Variants in HS6ST3 observed in about 807,000 individuals in gnomAD.
The protein encoded by HS6ST3 is heparan-sulfate 6-O-sulfotransferase 3.
Under a neutral mutation model 36.7 loss-of-function variants are expected in HS6ST3, and 12 were observed. The ratio of observed to expected loss-of-function variants is 0.33; its 90% confidence interval spans 0.21 to 0.53. The LOEUF is 0.53. Ranked by LOEUF, HS6ST3 falls within the 20% of genes least tolerant of loss-of-function variation. The pLI is 0.95. For synonymous variants in HS6ST3, 240 were observed against 257.5 expected (o/e 0.93, Z 0.65); for missense variants, 584 against 640.9 (o/e 0.91, Z 0.96).
intron 1 of HS6ST3, among the ~76,000 whole-genome samples, chr13:96,163,222 A>ATTTT (rs147731415): frequency 3.4e-4 from 27 of 79,064 alleles, no homozygotes; most frequent in Admixed American, 5.0e-4. Flanking sequence ...TCTGAGATAC[A>ATTTT]TTTTTTTTTT....
chr13:96,786,378 C>T (rs1483129122), intron 1 of HS6ST3, among the ~76,000 whole-genome samples: 1 of 152,146 alleles, frequency 6.6e-6, no homozygotes, highest in Non-Finnish European at 1.5e-5. Flanking sequence ...CTAGTGCTAT[C>T]TGCTTTGTGT....
At chr13:96,200,457 C>T (rs946918702) in intron 1 of HS6ST3, among the ~76,000 whole-genome samples, 22 of 152,124 alleles carry the variant, frequency 1.4e-4, no homozygotes, top group Non-Finnish European at 2.8e-4. Flanking sequence ...GGTTAATTCC[C>T]TTAAGTCCTC....
chr13:96,412,197 GT>G (rs1339354978), intron 1 of HS6ST3, among the ~76,000 whole-genome samples: 1 of 152,022 alleles, frequency 6.6e-6, no homozygotes, highest in African/African-American at 2.4e-5. Context: ...TAGAGACGGG[GT>G]TTTACCATGT....
chr13:96,711,630 C>T (rs748878799), intron 1 of HS6ST3, among the ~76,000 whole-genome samples: 3 of 152,048 alleles, frequency 2.0e-5, no homozygotes, highest in Non-Finnish European at 4.4e-5. Context: ...ATTTTTTTCT[C>T]CTAGCTTCTA....
At chr13:96,304,711 C>CTTTTTTTT (rs61314597) in intron 1 of HS6ST3, among the ~76,000 whole-genome samples, 2 of 89,336 alleles carry the variant, frequency 2.2e-5, no homozygotes, top group African/African-American at 8.8e-5. Flanking sequence ...TTCTTTCTTT[C>CTTTTTTTT]TTTTTTTTTT....
chr13:96,228,685 C>T (rs999185550), intron 1 of HS6ST3, among the ~76,000 whole-genome samples: 19 of 152,172 alleles, frequency 1.2e-4, no homozygotes, highest in African/African-American at 4.3e-4. Context: ...TTGTTTGCCA[C>T]CCCTTATTTT....
chr13:96,812,297 C>T (rs1878331773), intron 1 of HS6ST3, among the ~76,000 whole-genome samples: 1 of 152,212 alleles, frequency 6.6e-6, no homozygotes, highest in African/African-American at 2.4e-5. Context: ...TTCTTGCGGT[C>T]CAATATTTCC....
At chr13:96,390,325 T>C (rs1333969066) in intron 1 of HS6ST3, among the ~76,000 whole-genome samples, 2 of 152,178 alleles carry the variant, frequency 1.3e-5, no homozygotes, top group African/African-American at 4.8e-5. Context: ...ACTAAATTCA[T>C]ATGTAGAAAT....
intron 1 of HS6ST3, among the ~76,000 whole-genome samples, chr13:96,165,130 A>G (rs2054154403): frequency 6.6e-6 from 1 of 152,230 alleles, no homozygotes; most frequent in Non-Finnish European, 1.5e-5. Context: ...AGTGGCAAAG[A>G]ATATGTAAGG....
intron 1 of HS6ST3, among the ~76,000 whole-genome samples, chr13:96,741,160 A>AT (rs1471370206): frequency 6.6e-6 from 1 of 152,182 alleles, no homozygotes; most frequent in African/African-American, 2.4e-5. Context: ...GCCATTTGAC[A>AT]TTATGTGGCA....
intron 1 of HS6ST3, among the ~76,000 whole-genome samples, chr13:96,334,721 A>T (rs2055091254): frequency 6.6e-6 from 1 of 152,080 alleles, no homozygotes; most frequent in African/African-American, 2.4e-5. Flanking sequence ...CAAAAACAGT[A>T]TGGGGGAAAC....
intron 1 of HS6ST3, among the ~76,000 whole-genome samples, chr13:96,335,909 C>G (rs61966934): frequency 6.6e-6 from 1 of 152,050 alleles, no homozygotes. Context: ...TTTAGAATAT[C>G]GGTGCCTAGG....
intron 1 of HS6ST3, among the ~76,000 whole-genome samples, chr13:96,093,869 G>A (rs1383869926): frequency 6.6e-6 from 1 of 152,126 alleles, no homozygotes; most frequent in African/African-American, 2.4e-5. Flanking sequence ...CTGGATAATG[G>A]AGGGTACCTT....
Position 96,328,801 on chromosome 13 carries a change from C to T in HS6ST3, c.707+237232C>T, listed in dbSNP as rs548542246. ...CTCTGGTAGAATTCGGCTATGAATC[C>T]ATCTGGTCCTGGACTCTTTTTGGTT... On this transcript the variant is annotated intron_variant, in intron 1 of 1. Transcript: ENST00000376705. Among the ~76,000 whole-genome samples the T allele has an allele frequency of 4.8e-3, 737 of 152,248 alleles. 4 individuals are homozygous for T. Among genetic ancestry groups the T allele is most frequent in the Non-Finnish European group, 8.5e-3 (580 of 68,034 alleles).
intron 1 of HS6ST3, among the ~76,000 whole-genome samples, chr13:96,463,396 T>C (rs914081772): frequency 1.3e-5 from 2 of 152,098 alleles, no homozygotes; most frequent in African/African-American, 4.8e-5. Context: ...AAATAATTAA[T>C]CATATGATAA....
chr13:96,470,672 G>T (rs1008072640), intron 1 of HS6ST3, among the ~76,000 whole-genome samples: 2 of 152,084 alleles, frequency 1.3e-5, no homozygotes, highest in African/African-American at 4.8e-5. Context: ...TTCCCACTCA[G>T]CTCTTCAACC....
intron 1 of HS6ST3, among the ~76,000 whole-genome samples, chr13:96,718,415 T>A (rs1875757367): frequency 6.6e-6 from 1 of 152,200 alleles, no homozygotes; most frequent in African/African-American, 2.4e-5. Flanking sequence ...GTTAAGGAAC[T>A]GTTACCAACT....
chr13:96,797,168 G>A lies in HS6ST3; in HGVS notation c.708-35322G>A, dbSNP rs1290239793. Among the ~76,000 whole-genome samples, 58 of 152,060 alleles carry A rather than the reference G, an allele frequency of 3.8e-4. 1 individual carries two copies. On this transcript the variant is annotated intron_variant, in intron 1 of 1. Coordinates refer to ENST00000376705, the MANE Select transcript of HS6ST3 (RefSeq NM_153456.4). Reference sequence around the variant, plus strand: ...TGGAAGTCACCCAGTTCCCAGACAAGGATGCACAAGGGAGATTTTAGGCTG... The same window carrying A: ...TGGAAGTCACCCAGTTCCCAGACAAAGATGCACAAGGGAGATTTTAGGCTG...
intron 1 of HS6ST3, among the ~76,000 whole-genome samples, chr13:96,278,001 C>G (rs1391075093): frequency 6.6e-6 from 1 of 152,122 alleles, no homozygotes; most frequent in African/African-American, 2.4e-5. Flanking sequence ...TAAGTTTTAG[C>G]TTAACTAATA....
Sources: allele counts gnomAD v4.1 joint callset (sites outside exome capture counted in the v4.1 genomes callset), GRCh38; gene constraint gnomAD v4.1.1; transcripts MANE v1.5; gene names NCBI Gene and HGNC (gene_info 2026-07-23, HGNC 2026-07-21).